The following RAI14 variants were observed in gnomAD, a reference collection of about 807,000 sequenced individuals.
RAI14 encodes the protein ankycorbin.
A neutral mutation model predicts 115.4 loss-of-function variants in RAI14; 45 were observed. That is an observed-to-expected ratio of 0.39 (90% CI 0.31 to 0.50). The LOEUF is 0.50. Ranked by LOEUF, RAI14 falls within the 20% of genes least tolerant of loss-of-function variation. The pLI is 0.85. For synonymous variants in RAI14, 371 were observed against 415.4 expected (o/e 0.89, Z 1.30); for missense variants, 939 against 1,131.2 (o/e 0.83, Z 2.44).
intron 2 of RAI14, among the ~76,000 whole-genome samples, chr5:34,701,814 CTTT>C (rs112745892): frequency 4.2e-5 from 6 of 144,146 alleles, no homozygotes; most frequent in Non-Finnish European, 6.1e-5. Context: ...TTGACTCTCC[CTTT>C]TTTTTTTTTT....
At chr5:34,675,982 T>G (rs1179457561) in intron 1 of RAI14, among the ~76,000 whole-genome samples, 1 of 152,260 alleles carries the variant, frequency 6.6e-6, no homozygotes, top group African/African-American at 2.4e-5. Flanking sequence ...GCTACTTCTA[T>G]AAATATTCGG....
intron 3 of RAI14, among the ~76,000 whole-genome samples, chr5:34,772,694 C>T (rs1168646811): frequency 6.6e-6 from 1 of 152,166 alleles, no homozygotes; most frequent in Non-Finnish European, 1.5e-5. Context: ...ACCCTCCAGC[C>T]TCCTGGCATG....
intron 3 of RAI14, among the ~76,000 whole-genome samples, chr5:34,770,597 G>C (rs1750024778): frequency 6.6e-6 from 1 of 152,236 alleles, no homozygotes; most frequent in African/African-American, 2.4e-5. Context: ...CCTGAATGGA[G>C]TGAGGGATTC....
intron 2 of RAI14, among the ~76,000 whole-genome samples, chr5:34,717,685 A>G (rs892549042): frequency 6.6e-6 from 1 of 152,068 alleles, no homozygotes; most frequent in East Asian, 1.9e-4. Context: ...CACCCCACCC[A>G]TGCCCGTCTT....
chr5:34,667,546 T>A (rs576319080), intron 1 of RAI14, among the ~76,000 whole-genome samples: 84 of 152,230 alleles, frequency 5.5e-4, no homozygotes, highest in East Asian at 4.6e-3. Context: ...CTGAGCCTTT[T>A]TTATTATTAT....
intron 3 of RAI14, among the ~76,000 whole-genome samples, chr5:34,782,648 A>C (rs1332831537): frequency 6.6e-6 from 1 of 152,178 alleles, no homozygotes; most frequent in African/African-American, 2.4e-5. Context: ...AGTGTCTACA[A>C]ATCCTTATGT....
rs570864980 is a variant in RAI14 at position 34,783,711 on chromosome 5, G to A, written c.168-12228G>A. 4.6e-5 allele frequency among the ~76,000 whole-genome samples: 7 copies of A among 152,260 alleles called. No individual in the cohort carries two copies. In the East Asian group the frequency reaches 9.7e-4, roughly 21 times the overall value. On this transcript the variant is annotated intron_variant, in intron 3 of 17. Coordinates refer to ENST00000265109, the MANE Select transcript of RAI14 (RefSeq NM_015577.3). ...CTTAGCTCTTGCAACTGCTGTTTCA[G>A]GGAGAGATTCATTCTTTCCACTATG...
chr5:34,718,203 C>A (rs1742229416), intron 2 of RAI14, among the ~76,000 whole-genome samples: 1 of 152,192 alleles, frequency 6.6e-6, no homozygotes, highest in African/African-American at 2.4e-5. Context: ...GTGGTAACCA[C>A]CTTCAGTAAA....
At chr5:34,771,912 T>C (rs144223007) in intron 3 of RAI14, among the ~76,000 whole-genome samples, 3 of 152,198 alleles carry the variant, frequency 2.0e-5, no homozygotes, top group Non-Finnish European at 2.9e-5. Context: ...TTGTTTTTTG[T>C]TTTTTTGGGA....
chr5:34,830,774 C>T lies in RAI14; in HGVS notation c.*9C>T. 2 of 1,613,964 alleles carry T rather than the reference C, an allele frequency of 1.2e-6. No individual in the cohort carries two copies. The highest frequency in any genetic ancestry group is 1.1e-5 in the South Asian group (1 of 91,056). On this transcript the variant is annotated 3_prime_UTR_variant, in exon 18 of 18. Transcript: ENST00000265109. Reference sequence around the variant, plus strand: ...AGTCTCAAAAGAAGTAAAGTGGATTCCTTGGCAGGACACTGCCCCTTGTCA... The same window carrying T: ...AGTCTCAAAAGAAGTAAAGTGGATTTCTTGGCAGGACACTGCCCCTTGTCA...
chr5:34,656,842 C>T (rs1436757833), intron 1 of RAI14: 1 of 152,410 alleles, frequency 6.6e-6, no homozygotes, highest in African/African-American at 2.4e-5. Context: ...ATGAGCAGAC[C>T]CGGAGATGCA....
chr5:34,695,801 TC>T (rs1739154842), intron 2 of RAI14, among the ~76,000 whole-genome samples: 1 of 132,774 alleles, frequency 7.5e-6, no homozygotes, highest in Non-Finnish European at 1.6e-5. Context: ...AGAAGCACTT[TC>T]CTTTTTTTTT....
chr5:34,740,941 T>C (rs1408209866), intron 2 of RAI14, among the ~76,000 whole-genome samples: 2 of 152,242 alleles, frequency 1.3e-5, no homozygotes, highest in African/African-American at 4.8e-5. Context: ...TGAAATATAC[T>C]AAACTATCCA....
intron 2 of RAI14, among the ~76,000 whole-genome samples, chr5:34,701,799 A>G (rs1179372905): frequency 6.6e-6 from 1 of 151,224 alleles, no homozygotes; most frequent in Non-Finnish European, 1.5e-5. Context: ...AACATTTTAC[A>G]GAATTTGACT....
Position 34,822,709 on chromosome 5 carries a change from A to G in RAI14, c.1114-247A>G, listed in dbSNP as rs796543038. Among the ~76,000 whole-genome samples, 27 of 92,124 alleles carry G rather than the reference A, an allele frequency of 2.9e-4. 2 individuals carry two copies. Among genetic ancestry groups the G allele is most frequent in the African/African-American group, 1.2e-3 (27 of 23,294 alleles). 60.4% of individuals were successfully genotyped at this position (92,124 alleles called of 152,430 possible). ...TTTTTTTTTTTTTTTTTTGAGACGG[A>G]GTCTTGCTCTGTCGCCCAGGCTGGA... On this transcript the variant is annotated intron_variant, in intron 14 of 17. Transcript: ENST00000265109.
chr5:34,740,139 A>G (rs541160936), intron 2 of RAI14, among the ~76,000 whole-genome samples: 175 of 152,354 alleles, frequency 1.1e-3, no homozygotes, highest in African/African-American at 4.1e-3. Context: ...GACTTTCAGT[A>G]AAAAATGTAA....
At chr5:34,751,317 CT>C (rs993381482) in intron 2 of RAI14, among the ~76,000 whole-genome samples, 11 of 149,772 alleles carry the variant, frequency 7.3e-5, no homozygotes, top group African/African-American at 2.2e-4. Context: ...TTTTTTTGTA[CT>C]TTTAGTAGAG....
intron 2 of RAI14, among the ~76,000 whole-genome samples, chr5:34,737,190 G>T (rs1242487780): frequency 1.3e-5 from 2 of 152,280 alleles, no homozygotes; most frequent in East Asian, 3.9e-4. Context: ...GTGCCAAAAT[G>T]GTTGGTACAG....
chr5:34,697,852 C>T (rs565579237), intron 2 of RAI14, among the ~76,000 whole-genome samples: 1 of 152,014 alleles, frequency 6.6e-6, no homozygotes, highest in South Asian at 2.1e-4. Flanking sequence ...AAATTTTAGG[C>T]CTAGAATTCT....
Sources: gnomAD v4.1 joint callset for allele counts (sites outside exome capture counted in the v4.1 genomes callset) on GRCh38, gnomAD v4.1.1 for gene constraint, MANE v1.5 for transcripts, NCBI Gene and HGNC (gene_info 2026-07-23, HGNC 2026-07-21) for gene names.